Variants in IGFBP6 observed in about 807,000 individuals in gnomAD.
IGFBP6 encodes the protein insulin like growth factor binding protein 6.
In IGFBP6, 24 loss-of-function variants were observed where a neutral mutation model predicts 24.5. That is an observed-to-expected ratio of 0.98 (90% CI 0.71 to 1.38). IGFBP6 has a LOEUF of 1.38. Ranked by LOEUF, IGFBP6 falls within the 40% of genes most tolerant of loss-of-function variation. IGFBP6 has a pLI of 0.00. For missense variants in IGFBP6, 331 were observed against 324.8 expected, an observed-to-expected ratio of 1.02 and a Z score of -0.15; for synonymous variants, 147 against 137.4, an observed-to-expected ratio of 1.07 and a Z score of -0.49.
chr12:53,097,982 G>A lies in IGFBP6; in HGVS notation c.265G>A (p.Asp89Asn). 1 of 1,516,742 alleles carries A rather than the reference G, an allele frequency of 6.6e-7. No homozygotes were observed. The highest frequency in any genetic ancestry group is 8.8e-7 in the Non-Finnish European group (1 of 1,139,204). The allele number at this position is 1,516,742 out of a possible 1,614,324, so 94.0% of individuals were successfully genotyped here. ...APGLQCHPPK[D>N]DEAPLRALLL... ...AGGACTGCAGTGCCATCCGCCCAAG[G>A]ACGACGAGGCGCCTTTGCGGGCGCT... The change falls in exon 1 of 4, where the codon GAC (aspartate) becomes AAC (asparagine). Residue 89 changes from aspartate (D) to asparagine (N), a missense_variant. Asp to Asn is a conservative substitution (Grantham distance 23). Coordinates refer to ENST00000301464, the MANE Select transcript of IGFBP6 (RefSeq NM_002178.3).
At position 53,097,844 on chromosome 12, in the gene IGFBP6, G is replaced by T. The variant is rs1235269600; in HGVS notation, c.127G>T (p.Gly43Cys). ...GQGVQAGCPG[G>C]CVEEEDGGSP... is the part of the protein sequence containing the mutation. ...AGGGGTGCAGGCGGGTTGTCCAGGG[G>T]GCTGCGTGGAGGAGGAGGATGGGGG... The change falls in exon 1 of 4, where the codon GGC (glycine) becomes TGC (cysteine). Residue 43 changes from glycine (G) to cysteine (C), a missense_variant. Physicochemically the swap from Gly to Cys is radical, Grantham distance 159 (BLOSUM62 -3). Transcript: ENST00000301464. The T allele has an allele frequency of 2.0e-6, 3 of 1,530,496 alleles. No homozygotes were observed. Among genetic ancestry groups the T allele is most frequent in the African/African-American group, 1.4e-5 (1 of 72,558 alleles). The allele number at this position is 1,530,496 out of a possible 1,614,324, so 94.8% of individuals were successfully genotyped here. A position where few individuals can be genotyped will look rare whatever the true frequency, so the allele number is the denominator to read the frequency against.
Position 53,102,128 on chromosome 12 carries a change from C to A in IGFBP6, c.684C>A (p.Gly228=). ...AGTCCCTGCCAGGGTCTCCAGATGG[C>A]AATGGAAGCTCCTCCTGCCCCACTG... The part of the protein sequence containing the change: ...MGKSLPGSPD[G]NGSSSCPTGS... Residue 228 remains glycine, a synonymous_variant, in exon 4 of 4, where the codon GGC becomes GGA. Transcript: ENST00000301464. 1 of 1,613,964 alleles carries A rather than the reference C, an allele frequency of 6.2e-7. No homozygotes were observed. The highest frequency in any genetic ancestry group is 8.5e-7 in the Non-Finnish European group (1 of 1,179,962).
In IGFBP6 at chr12:53,102,283, G is replaced by A. The variant is rs1306732679; in HGVS notation, c.*116G>A. 37 of 1,208,474 alleles carry A rather than the reference G, an allele frequency of 3.1e-5. No individual in the cohort carries two copies. Among genetic ancestry groups the A allele is most frequent in the South Asian group, 2.5e-4 (17 of 68,282 alleles). 74.9% of individuals were successfully genotyped at this position (1,208,474 alleles called of 1,614,324 possible). ...GGCCCCGCCCCATGGGCCCCTCACC[G>A]CTGGTTGGAAAGAGTGTTGGTGTTG... On this transcript the variant is annotated 3_prime_UTR_variant, in exon 4 of 4. Coordinates refer to ENST00000301464, the MANE Select transcript of IGFBP6 (RefSeq NM_002178.3).
chr12:53,098,170 C>A, intron 1 of IGFBP6, 119 bp downstream of exon 1: 1 of 1,195,410 alleles, frequency 8.4e-7, no homozygotes, highest in Non-Finnish European at 1.1e-6. Flanking sequence ...TTGACGCTTC[C>A]GACTTTGGGG....
chr12:53,102,245 C>G lies in IGFBP6; in HGVS notation c.*78C>G. On this transcript the variant is annotated 3_prime_UTR_variant, in exon 4 of 4. Transcript: ENST00000301464. ...TCACTCAACAAAAAACCGAGGCCCT[C>G]AATCCACCTTCAGGCCCCGCCCCAT... The G allele has an allele frequency of 6.5e-7, 1 of 1,545,496 alleles. No individual in the cohort carries two copies. Among genetic ancestry groups the G allele is most frequent in the Non-Finnish European group, 8.8e-7 (1 of 1,136,096 alleles).
Position 53,102,099 on chromosome 12 carries a change from G to A in IGFBP6, c.655G>A (p.Gly219Ser). The part of the protein sequence containing the change: ...RGPCWCVDRM[G>S]KSLPGSPDGN... ...TCCCTGCTGGTGTGTGGATCGGATG[G>A]GCAAGTCCCTGCCAGGGTCTCCAGA... The change falls in exon 4 of 4, where the codon GGC (glycine) becomes AGC (serine). Residue 219 changes from glycine to serine, a missense_variant. Physicochemically the swap from Gly to Ser is moderately conservative, Grantham distance 56. Transcript: ENST00000301464. 6.2e-7 allele frequency: 1 copy of A among 1,613,862 alleles called. No individual in the cohort carries two copies. Among genetic ancestry groups the A allele is most frequent in the Non-Finnish European group, 8.5e-7 (1 of 1,179,942 alleles).
At chr12:53,101,276 C>T in intron 3 of IGFBP6, 116 bp downstream of exon 3, 1 of 1,014,096 alleles carries the variant, frequency 9.9e-7, no homozygotes, top group Non-Finnish European at 1.5e-6. Context: ...AAGGATCTTC[C>T]AACTTTAGGA....
chr12:53,098,133 G>A (rs1937773388), intron 1 of IGFBP6, 82 bp downstream of exon 1: 6 of 1,347,708 alleles, frequency 4.5e-6, no homozygotes, highest in South Asian at 3.5e-5. Flanking sequence ...GGAGTGGGTG[G>A]CCCGGCAAGC....
chr12:53,098,863 T>G (rs577184274), intron 1 of IGFBP6: 6 of 152,974 alleles, frequency 3.9e-5, no homozygotes, highest in African/African-American at 1.2e-4. Context: ...TCCCAGAGGC[T>G]CTGGGTTCCT....
chr12:53,100,619 C>G, intron 1 of IGFBP6, 93 bp from the exon 2 acceptor site: 1 of 1,270,340 alleles, frequency 7.9e-7, no homozygotes, highest in Non-Finnish European at 1.1e-6. Flanking sequence ...ATAAGGCCCT[C>G]CCTTCCTTAC....
intron 1 of IGFBP6, 132 bp downstream of exon 1, chr12:53,098,183 C>A: frequency 1.8e-6 from 2 of 1,117,340 alleles, no homozygotes; most frequent in Non-Finnish European, 2.4e-6. Flanking sequence ...CTTTGGGGGG[C>A]ACATTTGTGT....
Position 53,101,098 on chromosome 12 carries a change from C to G in IGFBP6, c.538C>G (p.Arg180Gly). The G allele has an allele frequency of 6.2e-7, 1 of 1,614,160 alleles. No individual in the cohort carries two copies. The highest frequency in any genetic ancestry group is 1.3e-5 in the African/African-American group (1 of 75,046). The stretch of plus-strand genomic sequence containing the variant: ...GCAGCAACTCCAGACTGAGGTCTAC[C>G]GAGGGGCTCAAACACTCTACGTGCC... ...VLQQLQTEVY[R>G]GAQTLYVPNC... is the part of the protein sequence containing the mutation. The change falls in exon 3 of 4, where the codon CGA (arginine) becomes GGA (glycine). Residue 180 changes from arginine (R) to glycine (G), a missense_variant. By Grantham distance (125) the Arg-to-Gly change is moderately radical (BLOSUM62 -2). Transcript: ENST00000301464.
chr12:53,101,062 G>A lies in IGFBP6; in HGVS notation c.502G>A (p.Asp168Asn). 6.2e-7 allele frequency: 1 copy of A among 1,614,162 alleles called. No individual in the cohort carries two copies. The highest frequency in any genetic ancestry group is 8.5e-7 in the Non-Finnish European group (1 of 1,180,018). The change falls in exon 3 of 4, where the codon GAC (aspartate) becomes AAC (asparagine). Residue 168 changes from aspartate (D) to asparagine (N), a missense_variant. Transcript: ENST00000301464. ...TEMGPCRRHL[D>N]SVLQQLQTEV... ...CCAGGGCCCATGCCGTAGACATCTG[G>A]ACTCAGTGCTGCAGCAACTCCAGAC...
intron 3 of IGFBP6, 64 bp from the exon 4 acceptor site, chr12:53,101,981 C>A (rs1346222306): frequency 6.6e-7 from 1 of 1,519,958 alleles, no homozygotes; most frequent in East Asian, 2.4e-5. Context: ...ACTCAGATGT[C>A]CCCTCTCATT....
At chr12:53,100,600 C>T (rs1444621442) in intron 1 of IGFBP6, 112 bp from the exon 2 acceptor site, 10 of 950,796 alleles carry the variant, frequency 1.1e-5, no homozygotes, top group Non-Finnish European at 1.3e-5. Flanking sequence ...CATCATGCAA[C>T]AGCGGGGCAT....
rs757053854 is a variant in IGFBP6, at chr12:53,102,026, T to C, written c.601-19T>C. The C allele has an allele frequency of 2.5e-6, 4 of 1,610,602 alleles. No individual in the cohort carries two copies. The highest frequency in any genetic ancestry group is 3.4e-6 in the Non-Finnish European group (4 of 1,179,128). ...GAAGCCTCTGGCCTCACTCCTGACC[T>C]GTGTGCCTCTCTCTCCAGTGCCGCT... On this transcript the variant is annotated intron_variant, in intron 3 of 3. Transcript: ENST00000301464.
chr12:53,101,226 T>A, intron 3 of IGFBP6, 66 bp downstream of exon 3: 1 of 1,544,592 alleles, frequency 6.5e-7, no homozygotes, highest in Non-Finnish European at 8.9e-7. Flanking sequence ...GGGGCGGTGC[T>A]GCTTACAAAG....
chr12:53,099,807 A>T (rs1020065684), intron 1 of IGFBP6, among the ~76,000 whole-genome samples: 6 of 151,294 alleles, frequency 4.0e-5, no homozygotes, highest in East Asian at 1.9e-4. Flanking sequence ...TAATTAATTA[A>T]TTTTTTAAAA....
At position 53,100,793 on chromosome 12, in the gene IGFBP6, G is replaced by A; in HGVS notation, c.416G>A (p.Arg139Lys). The change falls in exon 2 of 4, where the codon AGG becomes AAG. Residue 139 changes from arginine to lysine, a missense_variant. Coordinates refer to ENST00000301464, the MANE Select transcript of IGFBP6 (RefSeq NM_002178.3). ...PQDVNRRDQQRNPGTSTTPSQ... is the reference protein window; with the variant it reads ...PQDVNRRDQQKNPGTSTTPSQ... ...GATGTGAACCGCAGAGACCAACAGA[G>A]GAATCCAGGCACCTCTACCACGCCC... is the stretch of plus-strand genomic sequence containing the variant. The A allele has an allele frequency of 6.2e-7, 1 of 1,614,194 alleles. No individual in the cohort carries two copies. The highest frequency in any genetic ancestry group is 1.1e-5 in the South Asian group (1 of 91,090).
Sources: gnomAD v4.1 joint callset for allele counts (sites outside exome capture counted in the v4.1 genomes callset) on GRCh38, gnomAD v4.1.1 for gene constraint, MANE v1.5 for transcripts, NCBI Gene and HGNC (gene_info 2026-07-23, HGNC 2026-07-21) for gene names.